Variants in CSMD1 observed in about 807,000 individuals in gnomAD.
CSMD1 encodes the protein CUB and sushi domain-containing protein 1.
Under a neutral mutation model 417.5 loss-of-function variants are expected in CSMD1, and 213 were observed. That is an observed-to-expected ratio of 0.51 (90% confidence interval 0.46 to 0.57). The LOEUF (loss-of-function observed/expected upper bound fraction) is 0.57, where lower values mean the gene tolerates loss of function less well. CSMD1 is among the 20% of genes least tolerant of loss of function. CSMD1 has a pLI of 0.00. For missense variants in CSMD1, 6,923 were observed against 4,529.7 expected (o/e 1.53, Z -15.17); for synonymous variants, 2,862 against 1,736.8 (o/e 1.65, Z -16.11).
At chr8:4,705,800 T>C (rs901022335) in intron 1 of CSMD1, among the ~76,000 whole-genome samples, 5 of 152,154 alleles carry the variant, frequency 3.3e-5, no homozygotes, top group African/African-American at 9.7e-5. Context: ...ACAGAGTGTC[T>C]AGTTCTGGGA....
At chr8:3,252,444 T>A (rs554601547) in intron 26 of CSMD1, among the ~76,000 whole-genome samples, 2 of 152,200 alleles carry the variant, frequency 1.3e-5, no homozygotes, top group Non-Finnish European at 2.9e-5. Context: ...CTTTTTGATA[T>A]ATTGTTGGAT....
chr8:4,085,942 T>A (rs1441796625), intron 3 of CSMD1, among the ~76,000 whole-genome samples: 2 of 152,134 alleles, frequency 1.3e-5, no homozygotes, highest in Non-Finnish European at 2.9e-5. Flanking sequence ...CTGTATTATT[T>A]CTTACAAGTG....
At chr8:4,352,389 G>A (rs571880724) in intron 3 of CSMD1, among the ~76,000 whole-genome samples, 7 of 152,264 alleles carry the variant, frequency 4.6e-5, no homozygotes, top group African/African-American at 1.4e-4. Flanking sequence ...TATGTCTGTA[G>A]ATCCACAGAA....
chr8:3,565,886 G>C (rs1799683805), intron 10 of CSMD1, among the ~76,000 whole-genome samples: 1 of 151,948 alleles, frequency 6.6e-6, no homozygotes, highest in African/African-American at 2.4e-5. Flanking sequence ...TTCATAGTTA[G>C]AATAAGGCTC....
intron 3 of CSMD1, among the ~76,000 whole-genome samples, chr8:4,274,934 A>G (rs1045306296): frequency 6.6e-6 from 1 of 152,144 alleles, no homozygotes; most frequent in Non-Finnish European, 1.5e-5. Context: ...CCACATTCAT[A>G]TTTTCTTGAG....
intron 5 of CSMD1, among the ~76,000 whole-genome samples, chr8:3,895,892 A>T (rs529435814): frequency 6.6e-6 from 1 of 152,306 alleles, no homozygotes; most frequent in African/African-American, 2.4e-5. Flanking sequence ...TCATCCCCTG[A>T]AACTCTGTAT....
Position 3,246,382 on chromosome 8 carries a change from C to T in CSMD1, c.4154-16151G>A, listed in dbSNP as rs560229686. On this transcript the variant is annotated intron_variant, in intron 26 of 69. Transcript: ENST00000635120. ...TTGGGTCACCCTGAAATGCCAGTTT[C>T]TCCTCCAGGAAGCCAGTTCCTCAGT... Among the ~76,000 whole-genome samples the T allele has an allele frequency of 4.6e-5, 7 of 152,332 alleles. No homozygotes were observed. The East Asian group carries it at 1.4e-3, about 29-fold the overall frequency.
intron 5 of CSMD1, among the ~76,000 whole-genome samples, chr8:3,799,734 T>C (rs1391158192): frequency 6.6e-6 from 1 of 152,040 alleles, no homozygotes; most frequent in Admixed American, 6.6e-5. Context: ...GTGCATTGTT[T>C]TATAATAAGC....
At chr8:3,242,609 A>T (rs1020503083) in intron 26 of CSMD1, among the ~76,000 whole-genome samples, 3 of 152,056 alleles carry the variant, frequency 2.0e-5, no homozygotes, top group African/African-American at 7.2e-5. Context: ...AATATAAGGC[A>T]TTTAGGTTTT....
chr8:3,334,931 G>A (rs562122483), intron 23 of CSMD1, among the ~76,000 whole-genome samples: 11 of 152,318 alleles, frequency 7.2e-5, no homozygotes, highest in Admixed American at 2.0e-4. Flanking sequence ...GGCTAAGAGC[G>A]TCAGCTCCTA....
chr8:3,469,597 A>T (rs868146700), intron 11 of CSMD1, among the ~76,000 whole-genome samples: 3 of 152,220 alleles, frequency 2.0e-5, no homozygotes, highest in South Asian at 2.1e-4. Context: ...AAATAGAAAA[A>T]GTGTAAGAAG....
chr8:3,966,595 G>C (rs1812690569), intron 5 of CSMD1, among the ~76,000 whole-genome samples: 2 of 151,704 alleles, frequency 1.3e-5, no homozygotes, highest in African/African-American at 2.4e-5. Context: ...GCAGTTTTTG[G>C]CATGCACTAC....
intron 5 of CSMD1, among the ~76,000 whole-genome samples, chr8:3,875,389 G>T (rs1248492750): frequency 6.6e-6 from 1 of 152,180 alleles, no homozygotes; most frequent in Non-Finnish European, 1.5e-5. Context: ...CTTCTGCGTA[G>T]ACATGGTCTA....
At chr8:4,014,037 T>G (rs1445818672) in intron 4 of CSMD1, among the ~76,000 whole-genome samples, 4 of 152,156 alleles carry the variant, frequency 2.6e-5, no homozygotes, top group Admixed American at 1.3e-4. Flanking sequence ...GGAGAAATAT[T>G]GATGTGTATT....
At chr8:4,636,107 A>AT (rs1001751030) in intron 2 of CSMD1, among the ~76,000 whole-genome samples, 3 of 151,964 alleles carry the variant, frequency 2.0e-5, no homozygotes, top group Non-Finnish European at 4.4e-5. Flanking sequence ...TTCTGTAGAG[A>AT]TTTTTTTCTC....
chr8:3,670,943 G>A (rs191396287), intron 7 of CSMD1, among the ~76,000 whole-genome samples: 1 of 79,904 alleles, frequency 1.3e-5, no homozygotes, highest in Non-Finnish European at 2.7e-5. Context: ...ATATATGTAT[G>A]GGTATATGTG....
intron 3 of CSMD1, among the ~76,000 whole-genome samples, chr8:4,274,696 A>T (rs1796376119): frequency 1.3e-5 from 2 of 152,172 alleles, no homozygotes; most frequent in Non-Finnish European, 2.9e-5. Flanking sequence ...GAAGTGCATC[A>T]GGTGCAAAGT....
At chr8:4,533,895 C>T (rs925257085) in intron 2 of CSMD1, among the ~76,000 whole-genome samples, 10 of 148,752 alleles carry the variant, frequency 6.7e-5, no homozygotes, top group Non-Finnish European at 8.9e-5. Flanking sequence ...ATATGTAATT[C>T]AATAGCTAGA....
intron 3 of CSMD1, among the ~76,000 whole-genome samples, chr8:4,192,939 C>G (rs1000439661): frequency 6.6e-6 from 1 of 152,142 alleles, no homozygotes; most frequent in Non-Finnish European, 1.5e-5. Flanking sequence ...ATTTTCTGTA[C>G]GTGGTGCTAC....
Sources: gnomAD v4.1 joint callset for allele counts (sites outside exome capture counted in the v4.1 genomes callset) on GRCh38, gnomAD v4.1.1 for gene constraint, MANE v1.5 for transcripts, NCBI Gene and HGNC (gene_info 2026-07-23, HGNC 2026-07-21) for gene names.